The following ARPP19 variants were observed in gnomAD, a reference collection of about 807,000 sequenced individuals.
The protein encoded by ARPP19 is cAMP regulated phosphoprotein 19.
In ARPP19, 8 loss-of-function variants were observed where a neutral mutation model predicts 12.0. The observed-to-expected ratio is 0.67, with a 90% CI of 0.39 to 1.21. The LOEUF (loss-of-function observed/expected upper bound fraction) is 1.21, where lower values mean the gene tolerates loss of function less well. ARPP19 is among the 50% of genes most tolerant of loss of function. The pLI is 0.01. For synonymous variants in ARPP19, 47 were observed against 50.4 expected (o/e 0.93, Z 0.29); for missense variants, 102 against 136.3 (o/e 0.75, Z 1.25).
rs10709933 is a variant in ARPP19, at chr15:52,562,865, GTTT to G, written c.46-5646_46-5644del. 2.5e-3 allele frequency among the ~76,000 whole-genome samples: 232 copies of G among 92,880 alleles called. 1 individual carries two copies. Among genetic ancestry groups the G allele is most frequent in the Non-Finnish European group, 3.9e-3 (179 of 46,482 alleles). The allele number at this position is 92,880 out of a possible 152,430, so 60.9% of individuals were successfully genotyped here. Reference sequence around the variant, plus strand: ...GGGGTGGATATGGCAAGCTTAAGAAGTTTTTTTTTTTTTTTTTTTTGAGACAGA... The same window carrying G: ...GGGGTGGATATGGCAAGCTTAAGAAGTTTTTTTTTTTTTTTTTGAGACAGA... On this transcript the variant is annotated intron_variant, in intron 1 of 2. Transcript: ENST00000249822.
intron 1 of ARPP19, among the ~76,000 whole-genome samples, chr15:52,561,586 T>A (rs962845396): frequency 1.8e-4 from 28 of 151,804 alleles, no homozygotes. Flanking sequence ...GCATGAAAAA[T>A]TTCAAGGGGA....
chr15:52,550,127 G>C lies in ARPP19; in HGVS notation c.*1807C>G, dbSNP rs1440609679. ...AGGCTCTCTGCAAGTCAAAGATGAA[G>C]AGAAAAATAGTAGCATCTCAAGCTA... is the stretch of plus-strand genomic sequence containing the variant. On this transcript the variant is annotated 3_prime_UTR_variant, in exon 3 of 3. Transcript: ENST00000249822. 1 of 152,230 alleles carries C rather than the reference G, an allele frequency of 6.6e-6. No homozygotes were observed. Among genetic ancestry groups the C allele is most frequent in the Non-Finnish European group, 1.5e-5 (1 of 68,042 alleles). 9.4% of individuals were successfully genotyped at this position (152,230 alleles called of 1,614,324 possible).
intron 1 of ARPP19, among the ~76,000 whole-genome samples, chr15:52,567,812 T>C (rs1410786114): frequency 6.6e-6 from 1 of 152,130 alleles, no homozygotes; most frequent in Admixed American, 6.5e-5. Flanking sequence ...ACTAATCCAA[T>C]TCCCAACTTA....
At chr15:52,563,456 T>C (rs1374833417) in intron 1 of ARPP19, among the ~76,000 whole-genome samples, 1 of 152,050 alleles carries the variant, frequency 6.6e-6, no homozygotes, top group Admixed American at 6.6e-5. Context: ...AAAACAAAAA[T>C]CTTAAGAACA....
chr15:52,567,056 T>A (rs1029719909), intron 1 of ARPP19, among the ~76,000 whole-genome samples: 1 of 152,206 alleles, frequency 6.6e-6, no homozygotes, highest in African/African-American at 2.4e-5. Context: ...ATCGAACTGA[T>A]CTTCCAAATA....
In ARPP19 at chr15:52,557,483, C is replaced by T. The variant is rs2077991372; in HGVS notation, c.46-261G>A. 37 of 350,184 alleles carry T rather than the reference C, an allele frequency of 1.1e-4. No individual in the cohort carries two copies. The South Asian group carries it at 1.4e-3, about 13-fold the overall frequency. 21.7% of individuals were successfully genotyped at this position (350,184 alleles called of 1,614,324 possible). ...TATCAAGATAGCTCAGCTCTGAAGT[C>T]TTGCTTGCCATTACTTTTCCAGTCA... On this transcript the variant is annotated intron_variant, in intron 1 of 2. Coordinates refer to ENST00000249822, the MANE Select transcript of ARPP19 (RefSeq NM_006628.6).
intron 2 of ARPP19, among the ~76,000 whole-genome samples, chr15:52,552,839 T>G (rs897010145): frequency 6.6e-6 from 1 of 151,876 alleles, no homozygotes; most frequent in African/African-American, 2.4e-5. Flanking sequence ...GGAGGCCGAG[T>G]TGGGTGGATC....
At chr15:52,559,489 G>A (rs1233835836) in intron 1 of ARPP19, among the ~76,000 whole-genome samples, 1 of 152,134 alleles carries the variant, frequency 6.6e-6, no homozygotes, top group Non-Finnish European at 1.5e-5. Context: ...TCAAACGCTG[G>A]ACATAAAAGT....
chr15:52,560,805 C>T (rs2078025144), intron 1 of ARPP19, among the ~76,000 whole-genome samples: 1 of 152,176 alleles, frequency 6.6e-6, no homozygotes, highest in African/African-American at 2.4e-5. Context: ...GGTGATGCCA[C>T]CACCAACAGC....
Position 52,551,338 on chromosome 15 carries a change from A to C in ARPP19, c.*596T>G, listed in dbSNP as rs2077928728. The C allele has an allele frequency of 1.3e-5, 2 of 152,758 alleles. No homozygotes were observed. The highest frequency in any genetic ancestry group is 1.3e-4 in the Admixed American group (2 of 15,290). The allele number at this position is 152,758 out of a possible 1,614,324, so 9.5% of individuals were successfully genotyped here. On this transcript the variant is annotated 3_prime_UTR_variant, in exon 3 of 3. Transcript: ENST00000249822. ...TTAGCTTCAACGGCAGCTGTTAAGC[A>C]CTAGAGTCACATAAGTTACACCAGA...
Position 52,549,155 on chromosome 15 carries a change from A to T in ARPP19, c.*2779T>A, listed in dbSNP as rs947427895. 3.9e-5 allele frequency: 6 copies of T among 152,256 alleles called. No homozygotes were observed. The highest frequency in any genetic ancestry group is 3.9e-4 in the Admixed American group (6 of 15,286). 9.4% of individuals were successfully genotyped at this position (152,256 alleles called of 1,614,324 possible). On this transcript the variant is annotated 3_prime_UTR_variant, in exon 3 of 3. Transcript: ENST00000249822. ...AAACAAGTAATTTATTTCAGACTTT[A>T]GTTTTCATGAAGTATTTATCAACAA...
In ARPP19 at chr15:52,568,957, GC is replaced by G; in HGVS notation, c.-66del. The G allele has an allele frequency of 8.4e-7, 1 of 1,184,486 alleles. No individual in the cohort carries two copies. The highest frequency in any genetic ancestry group is 1.3e-5 in the South Asian group (1 of 74,176). 73.4% of individuals were successfully genotyped at this position (1,184,486 alleles called of 1,614,324 possible). On this transcript the variant is annotated 5_prime_UTR_variant, in exon 1 of 3. Transcript: ENST00000249822. ...ATTAGCGGGTGGCCGAGGCCACCCG[GC>G]CGCCGCCCGTCCCAGCTCTCCCAGG... is the stretch of plus-strand genomic sequence containing the variant.
rs1322913202 is a variant in ARPP19 at position 52,551,240 on chromosome 15, A to G, written c.*694T>C. On this transcript the variant is annotated 3_prime_UTR_variant, in exon 3 of 3. Coordinates refer to ENST00000249822, the MANE Select transcript of ARPP19 (RefSeq NM_006628.6). Reference sequence around the variant, plus strand: ...CAAAAATGGCACAAAAGTGAATTCAACAGTTAATGCACATGCATACTTCAT... The same window carrying G: ...CAAAAATGGCACAAAAGTGAATTCAGCAGTTAATGCACATGCATACTTCAT... 1 of 152,296 alleles carries G rather than the reference A, an allele frequency of 6.6e-6. No homozygotes were observed. The highest frequency in any genetic ancestry group is 2.4e-5 in the African/African-American group (1 of 41,418). The allele number at this position is 152,296 out of a possible 1,614,324, so 9.4% of individuals were successfully genotyped here.
chr15:52,555,166 A>G (rs1724636), intron 2 of ARPP19, among the ~76,000 whole-genome samples: 148,032 of 152,118 alleles, frequency 0.97, 72,156 homozygotes, highest in East Asian at 1. Flanking sequence ...TTGATTCAGT[A>G]GCATTTTCTT....
intron 1 of ARPP19, among the ~76,000 whole-genome samples, chr15:52,567,062 AAATAGAAG>A (rs1217812050): frequency 1.3e-5 from 2 of 152,244 alleles, no homozygotes; most frequent in African/African-American, 2.4e-5. Flanking sequence ...CTGATCTTCC[AAATAGAAG>A]AAACAGGTGA....
At chr15:52,552,317 C>T (rs775872595) in intron 2 of ARPP19, among the ~76,000 whole-genome samples, 1 of 152,132 alleles carries the variant, frequency 6.6e-6, no homozygotes, top group Admixed American at 6.6e-5. Context: ...CTCTTGAAAT[C>T]CCAACACTTT....
chr15:52,555,320 GC>G (rs2077971532), intron 2 of ARPP19, among the ~76,000 whole-genome samples: 2 of 152,128 alleles, frequency 1.3e-5, no homozygotes, highest in South Asian at 4.1e-4. Flanking sequence ...AAGCCTATTA[GC>G]CAAGGTTATG....
chr15:52,557,015 A>G (rs1023320920), intron 2 of ARPP19, 85 bp downstream of exon 2: 39 of 1,418,816 alleles, frequency 2.7e-5, no homozygotes, highest in Non-Finnish European at 3.6e-5. Flanking sequence ...GTACAATGCT[A>G]TACGCACAGA....
chr15:52,568,757 A>C lies in ARPP19; in HGVS notation c.45+91T>G. 3.4e-6 allele frequency: 3 copies of C among 884,400 alleles called. No individual in the cohort carries two copies. The South Asian group carries it at 5.7e-5, about 17-fold the overall frequency. The allele number at this position is 884,400 out of a possible 1,614,324, so 54.8% of individuals were successfully genotyped here. On this transcript the variant is annotated intron_variant, in intron 1 of 2. Transcript: ENST00000249822. ...TCGGCCTCATGCGCCTCGGCCCCGC[A>C]TCTCGGGCGCGGCCCTCCGCCTGGC...
Sources: allele counts gnomAD v4.1 joint callset (sites outside exome capture counted in the v4.1 genomes callset), GRCh38; gene constraint gnomAD v4.1.1; transcripts MANE v1.5; gene names NCBI Gene and HGNC (gene_info 2026-07-23, HGNC 2026-07-21).